Variants in TAS2R1 observed in about 807,000 individuals in gnomAD.
The protein encoded by TAS2R1 is taste receptor type 2 member 1.
For missense variants in TAS2R1, 370 were observed against 353.4 expected (o/e 1.05, Z -0.38); for synonymous variants, 141 against 134.2 (o/e 1.05, Z -0.35).
rs1739816674 is a variant in TAS2R1, at chr5:9,629,192, T to A, written c.841A>T (p.Asn281Tyr). 6.3e-7 allele frequency: 1 copy of A among 1,592,966 alleles called. No individual in the cohort carries two copies. The highest frequency in any genetic ancestry group is 1.9e-5 in the Admixed American group (1 of 53,428). ...SGHSLILILG[N>Y]PKLKQNAKKF... ...TTTGCATTTTGTTTCAATTTAGGATTTCCTAAAATTAAGATGAGAGAGTGT... is the reference window on the plus strand; with the variant it reads ...TTTGCATTTTGTTTCAATTTAGGATATCCTAAAATTAAGATGAGAGAGTGT... The change falls in exon 1 of 1, where the codon AAT becomes TAT. Residue 281 changes from asparagine to tyrosine, a missense_variant. Coordinates refer to ENST00000382492, the MANE Select transcript of TAS2R1 (RefSeq NM_019599.3).
At chr5:9,747,967 G>A in the TAS2R1 span, among the ~76,000 whole-genome samples, 4 of 152,006 alleles carry the variant, frequency 2.6e-5, no homozygotes, top group African/African-American at 9.7e-5. Context: ...ATGTGTTATG[G>A]ATAATAATAA....
At chr5:9,689,521 T>C (rs1289047083) in intron 1 of TAS2R1, among the ~76,000 whole-genome samples, 3 of 152,178 alleles carry the variant, frequency 2.0e-5, no homozygotes, top group African/African-American at 4.8e-5. Context: ...TTTAAATATA[T>C]ATATATAATC....
chr5:9,824,906 T>C, the TAS2R1 span, among the ~76,000 whole-genome samples: 1 of 148,030 alleles, frequency 6.8e-6, no homozygotes. Context: ...AGACACAAGG[T>C]ATCTATCCCA....
chr5:9,726,118 G>A, the TAS2R1 span, among the ~76,000 whole-genome samples: 1 of 151,490 alleles, frequency 6.6e-6, no homozygotes, highest in South Asian at 2.1e-4. Context: ...CTCAGGGATT[G>A]TAAATACACC....
At chr5:9,833,842 T>C in the TAS2R1 span, among the ~76,000 whole-genome samples, 46 of 152,352 alleles carry the variant, frequency 3.0e-4, no homozygotes, top group East Asian at 6.9e-3. Context: ...ATAGACTTCC[T>C]GTTGCATGTG....
chr5:9,825,218 G>A, the TAS2R1 span, among the ~76,000 whole-genome samples: 53 of 152,186 alleles, frequency 3.5e-4, no homozygotes, highest in Non-Finnish European at 5.7e-4. Context: ...ACATACCTGA[G>A]ACTGCATAAT....
At chr5:9,732,620 T>C in the TAS2R1 span, among the ~76,000 whole-genome samples, 1 of 152,132 alleles carries the variant, frequency 6.6e-6, no homozygotes, top group African/African-American at 2.4e-5. Flanking sequence ...GAGAAGACTA[T>C]TGAAGAATGC....
upstream of TAS2R1, among the ~76,000 whole-genome samples, chr5:9,716,536 G>A (rs2126536957): frequency 1.2e-5 from 1 of 82,206 alleles, no homozygotes; most frequent in East Asian, 2.6e-4. Flanking sequence ...TCTGTAAACA[G>A]TACATATATT....
At chr5:9,690,322 AT>A (rs1439199183) in intron 1 of TAS2R1, among the ~76,000 whole-genome samples, 1 of 152,050 alleles carries the variant, frequency 6.6e-6, no homozygotes, top group Non-Finnish European at 1.5e-5. Flanking sequence ...TGTGATTTGT[AT>A]TATTGTGTAG....
chr5:9,715,701 A>T (rs901298665), upstream of TAS2R1, among the ~76,000 whole-genome samples: 1 of 152,228 alleles, frequency 6.6e-6, no homozygotes, highest in Non-Finnish European at 1.5e-5. Context: ...GCCAGGGAAC[A>T]GAAGAGCTTT....
At chr5:9,755,854 G>A in the TAS2R1 span, among the ~76,000 whole-genome samples, 5 of 152,168 alleles carry the variant, frequency 3.3e-5, no homozygotes, top group African/African-American at 9.7e-5. Context: ...TGGTGGGAGT[G>A]TAGCAGTGAG....
the TAS2R1 span, chr5:9,870,136 A>G: frequency 1.3e-5 from 2 of 152,216 alleles, no homozygotes; most frequent in Non-Finnish European, 2.9e-5. Context: ...TTGCAAGTGC[A>G]TGACTTTAGA....
At chr5:9,860,317 C>T in the TAS2R1 span, among the ~76,000 whole-genome samples, 1 of 152,204 alleles carries the variant, frequency 6.6e-6, no homozygotes, top group African/African-American at 2.4e-5. Context: ...CCTAGCCTCT[C>T]AGCCTGTGCT....
chr5:9,694,803 A>C (rs772836880), intron 1 of TAS2R1, among the ~76,000 whole-genome samples: 1 of 152,342 alleles, frequency 6.6e-6, no homozygotes, highest in East Asian at 1.9e-4. Flanking sequence ...TTGATCATTA[A>C]TATCCCATGG....
chr5:9,652,858 A>C (rs1210846965), intron 2 of TAS2R1, among the ~76,000 whole-genome samples: 1 of 152,188 alleles, frequency 6.6e-6, no homozygotes, highest in Non-Finnish European at 1.5e-5. Context: ...TTTTCTAAAA[A>C]ATATTATTTT....
chr5:9,862,860 C>A, the TAS2R1 span: 1 of 152,348 alleles, frequency 6.6e-6, no homozygotes, highest in East Asian at 1.9e-4. Flanking sequence ...AGCAATCCAC[C>A]CGCCTCAGCC....
chr5:9,892,588 G>A, the TAS2R1 span, among the ~76,000 whole-genome samples: 1 of 152,150 alleles, frequency 6.6e-6, no homozygotes, highest in Non-Finnish European at 1.5e-5. Flanking sequence ...GCTCTCTGGA[G>A]ATGCCGCTAT....
the TAS2R1 span, among the ~76,000 whole-genome samples, chr5:9,780,673 A>ATGTGTGTGTGTG: frequency 5.3e-5 from 8 of 151,616 alleles, no homozygotes; most frequent in East Asian, 1.2e-3. Flanking sequence ...AACTAACAGA[A>ATGTGTGTGTGTG]TGTGTGTGTG....
chr5:9,747,098 T>G, the TAS2R1 span, among the ~76,000 whole-genome samples: 5 of 152,160 alleles, frequency 3.3e-5, no homozygotes, highest in Non-Finnish European at 7.4e-5. Flanking sequence ...TTTAGTGTTA[T>G]GATAGCTAAG....
Sources: allele counts gnomAD v4.1 joint callset (sites outside exome capture counted in the v4.1 genomes callset), GRCh38; gene constraint gnomAD v4.1.1; transcripts MANE v1.5; gene names NCBI Gene and HGNC (gene_info 2026-07-23, HGNC 2026-07-21).